The following GNB1L variants were observed in gnomAD, a reference collection of about 807,000 sequenced individuals.
GNB1L encodes the protein G protein subunit beta 1 like, also known as guanine nucleotide-binding protein subunit beta-like protein 1.
A neutral mutation model predicts 29.1 loss-of-function variants in GNB1L; 20 were observed. That is an observed-to-expected ratio of 0.69 (90% CI 0.48 to 1.00). The LOEUF (loss-of-function observed/expected upper bound fraction) is 1.00, where lower values mean the gene tolerates loss of function less well. GNB1L is among the 50% of genes least tolerant of loss of function. The pLI, the probability that GNB1L is intolerant of heterozygous loss-of-function variation, is 0.00. For synonymous variants in GNB1L, 193 were observed against 206.5 expected, an observed-to-expected ratio of 0.93 and a Z score of 0.56; for missense variants, 421 against 464.9, an observed-to-expected ratio of 0.91 and a Z score of 0.87.
chr22:19,808,241 A>G (rs532361894), intron 5 of GNB1L, among the ~76,000 whole-genome samples: 2 of 152,344 alleles, frequency 1.3e-5, no homozygotes, highest in South Asian at 2.1e-4. Flanking sequence ...ATGCATGGGT[A>G]ACATGTACAC....
chr22:19,821,323 G>T lies in GNB1L; in HGVS notation c.33C>A (p.Asp11Glu), dbSNP rs769191367. 7 of 1,612,990 alleles carry T rather than the reference G, an allele frequency of 4.3e-6. No individual in the cohort carries two copies. The highest frequency in any genetic ancestry group is 5.9e-6 in the Non-Finnish European group (7 of 1,179,698). Residue 11 changes from aspartate to glutamate, a missense_variant, in exon 3 of 8, where the codon GAC becomes GAA. Asp to Glu is a conservative substitution (Grantham distance 45). Transcript: ENST00000329517. MTAPCPPPPP[D>E]PQFVLRGTQS... is the part of the protein sequence containing the mutation. ...GGGTGCCTCGGAGGACAAACTGGGG[G>T]TCTGGAGGTGGCGGCGGGCAGGGGG...
intron 7 of GNB1L, among the ~76,000 whole-genome samples, chr22:19,793,399 A>G (rs1047716358): frequency 6.6e-6 from 1 of 152,162 alleles, no homozygotes; most frequent in African/African-American, 2.4e-5. Flanking sequence ...CAATCTGAAG[A>G]GAGAAAAAAC....
chr22:19,844,130 C>T (rs11912843), intron 2 of GNB1L, among the ~76,000 whole-genome samples: 1 of 152,252 alleles, frequency 6.6e-6, no homozygotes, highest in Non-Finnish European at 1.5e-5. Context: ...TGCCTACATG[C>T]TGAACCCCAC....
rs181951549 is a variant in GNB1L at position 19,833,604 on chromosome 22, C to T, written c.-20-12229G>A. On this transcript the variant is annotated intron_variant, in intron 2 of 7. Coordinates refer to ENST00000329517, the MANE Select transcript of GNB1L (RefSeq NM_053004.3). ...ATAGGCCGGACGCGGTAGTTCACAC[C>T]TGTAATCCCAACACTTTGGGAGGCT... Among the ~76,000 whole-genome samples, 217 of 152,270 alleles carry T rather than the reference C, an allele frequency of 1.4e-3. 2 individuals are homozygous for T. The highest frequency in any genetic ancestry group is 5.1e-3 in the African/African-American group (211 of 41,556).
intron 7 of GNB1L, among the ~76,000 whole-genome samples, chr22:19,799,319 C>T (rs1937341489): frequency 6.6e-6 from 1 of 152,262 alleles, no homozygotes; most frequent in Non-Finnish European, 1.5e-5. Flanking sequence ...CTAACTGTGA[C>T]AGCTCACGGG....
intron 2 of GNB1L, among the ~76,000 whole-genome samples, chr22:19,824,560 C>T (rs1349928554): frequency 1.3e-5 from 2 of 152,242 alleles, no homozygotes; most frequent in South Asian, 2.1e-4. Flanking sequence ...CCAGAGAAGC[C>T]ACAAACACCC....
At chr22:19,815,436 T>G (rs1420782925) in intron 4 of GNB1L, among the ~76,000 whole-genome samples, 1 of 152,114 alleles carries the variant, frequency 6.6e-6, no homozygotes, top group Non-Finnish European at 1.5e-5. Context: ...AACATGACAC[T>G]GCAGGGAGGC....
chr22:19,854,506 G>A lies in GNB1L; in HGVS notation c.-84C>T, dbSNP rs1395927416. 6.5e-6 allele frequency: 1 copy of A among 152,814 alleles called. No individual in the cohort carries two copies. Among genetic ancestry groups the A allele is most frequent in the East Asian group, 1.9e-4 (1 of 5,182 alleles). 9.5% of individuals were successfully genotyped at this position (152,814 alleles called of 1,614,324 possible). On this transcript the variant is annotated 5_prime_UTR_variant, in exon 2 of 8. Transcript: ENST00000329517. ...ATCCGTAGCCACAGACCGTGGGACG[G>A]GCCTCCCTCTGAGGGCGAGAGTCCA... is the stretch of plus-strand genomic sequence containing the variant.
intron 6 of GNB1L, among the ~76,000 whole-genome samples, chr22:19,806,013 G>A (rs1601327068): frequency 6.6e-6 from 1 of 152,192 alleles, no homozygotes; most frequent in Non-Finnish European, 1.5e-5. Flanking sequence ...GATGAGGGAG[G>A]AGACTGGCCT....
intron 2 of GNB1L, among the ~76,000 whole-genome samples, chr22:19,853,271 C>T (rs1172828389): frequency 1.3e-5 from 2 of 152,134 alleles, no homozygotes; most frequent in Non-Finnish European, 2.9e-5. Context: ...TGTCTGCTCC[C>T]GCCACTCCAG....
intron 2 of GNB1L, among the ~76,000 whole-genome samples, chr22:19,842,970 T>C (rs1288293794): frequency 3.9e-5 from 6 of 152,198 alleles, no homozygotes; most frequent in Non-Finnish European, 8.8e-5. Flanking sequence ...AAAGAAACCA[T>C]TTCTGGAATG....
At chr22:19,793,804 G>A (rs748881066) in intron 7 of GNB1L, among the ~76,000 whole-genome samples, 3 of 152,174 alleles carry the variant, frequency 2.0e-5, no homozygotes, top group Admixed American at 6.5e-5. Context: ...CCAGGATTCT[G>A]TAAAAATGAG....
Position 19,820,753 on chromosome 22 carries a change from G to T in GNB1L, c.129-30C>A, listed in dbSNP as rs753942180. The T allele has an allele frequency of 1.9e-4, 297 of 1,592,968 alleles. 2 individuals carry two copies. Among genetic ancestry groups the T allele is most frequent in the Non-Finnish European group, 6.4e-5 (74 of 1,164,260 alleles). On this transcript the variant is annotated intron_variant, in intron 3 of 7. Transcript: ENST00000329517. ...TTCAGACAAGCCGAGCAGGGTGTCAGGGGGCAGAAGGGTGTGCTGAATGCT... is the reference window on the plus strand; with the variant it reads ...TTCAGACAAGCCGAGCAGGGTGTCATGGGGCAGAAGGGTGTGCTGAATGCT...
chr22:19,803,446 G>A (rs1937397885), intron 6 of GNB1L, among the ~76,000 whole-genome samples: 1 of 152,102 alleles, frequency 6.6e-6, no homozygotes, highest in African/African-American at 2.4e-5. Context: ...GGGAGGCAGG[G>A]CTGCCCCAGG....
chr22:19,792,980 A>G, intron 7 of GNB1L: 1 of 1,501,756 alleles, frequency 6.7e-7, no homozygotes, highest in Non-Finnish European at 9.1e-7. Context: ...ACAATGACAG[A>G]TACGATGAGA....
At chr22:19,804,477 T>C (rs1187862839) in intron 6 of GNB1L, among the ~76,000 whole-genome samples, 1 of 152,238 alleles carries the variant, frequency 6.6e-6, no homozygotes, top group Admixed American at 6.5e-5. Flanking sequence ...ACCTTTTATA[T>C]ATTAATAGCA....
intron 2 of GNB1L, among the ~76,000 whole-genome samples, chr22:19,825,577 G>A (rs572119490): frequency 3.4e-4 from 51 of 149,900 alleles, no homozygotes; most frequent in Admixed American, 1.1e-3. Context: ...AGCCATGATC[G>A]CGCCACTGCA....
intron 2 of GNB1L, among the ~76,000 whole-genome samples, chr22:19,845,661 C>A (rs563612214): frequency 5.9e-5 from 9 of 152,346 alleles, no homozygotes; most frequent in East Asian, 3.9e-4. Context: ...CCCCTACCCA[C>A]CGTGTCCCTG....
intron 4 of GNB1L, among the ~76,000 whole-genome samples, chr22:19,820,285 C>G (rs1456864194): frequency 4.6e-5 from 7 of 152,188 alleles, no homozygotes; most frequent in African/African-American, 4.8e-5. Context: ...AAGGCCCTCC[C>G]ACCAACTTGC....
Sources: gnomAD v4.1 joint callset for allele counts (sites outside exome capture counted in the v4.1 genomes callset) on GRCh38, gnomAD v4.1.1 for gene constraint, MANE v1.5 for transcripts, NCBI Gene and HGNC (gene_info 2026-07-23, HGNC 2026-07-21) for gene names.